The following HCN1 variants were observed in gnomAD, a reference collection of about 807,000 sequenced individuals.
HCN1 encodes the protein potassium/sodium hyperpolarization-activated cyclic nucleotide-gated channel 1.
HCN1 carries 13 observed loss-of-function variants against 78.9 expected under a neutral mutation model. The ratio of observed to expected loss-of-function variants is 0.16; its 90% CI spans 0.11 to 0.26. HCN1 has a LOEUF of 0.26. Among genes scored for constraint, HCN1 ranks in the 10% least tolerant of loss-of-function variants. The pLI is 1.00. For missense variants in HCN1, 810 were observed against 1,154.3 expected, an observed-to-expected ratio of 0.70 and a Z score of 4.32; for synonymous variants, 552 against 455.5, an observed-to-expected ratio of 1.21 and a Z score of -2.70.
At chr5:45,554,225 T>C (rs150586535) in intron 2 of HCN1, among the ~76,000 whole-genome samples, 6 of 151,996 alleles carry the variant, frequency 3.9e-5, no homozygotes, top group African/African-American at 9.6e-5. Context: ...GGTATCTTCA[T>C]AAAATTGTGA....
chr5:45,305,316 A>C (rs1344180784), intron 5 of HCN1, among the ~76,000 whole-genome samples: 1 of 152,210 alleles, frequency 6.6e-6, no homozygotes, highest in Non-Finnish European at 1.5e-5. Context: ...AACATTTTGA[A>C]TCTATCTTGG....
chr5:45,620,549 G>A (rs1222417549), intron 2 of HCN1, among the ~76,000 whole-genome samples: 4 of 151,402 alleles, frequency 2.6e-5, no homozygotes, highest in Non-Finnish European at 5.9e-5. Flanking sequence ...ACTATGTGAG[G>A]AAACTTTAAA....
chr5:45,386,354 C>G (rs1317128506), intron 4 of HCN1, among the ~76,000 whole-genome samples: 2 of 151,790 alleles, frequency 1.3e-5, no homozygotes, highest in Non-Finnish European at 2.9e-5. Context: ...TTATTTTTCA[C>G]TTTTTCTAGA....
intron 6 of HCN1, among the ~76,000 whole-genome samples, chr5:45,280,030 T>C (rs1745128562): frequency 6.6e-6 from 1 of 152,100 alleles, no homozygotes; most frequent in African/African-American, 2.4e-5. Context: ...GAAAGATATA[T>C]AATTTATTAT....
chr5:45,526,435 T>C (rs1394821813), intron 2 of HCN1, among the ~76,000 whole-genome samples: 1 of 152,038 alleles, frequency 6.6e-6, no homozygotes, highest in Non-Finnish European at 1.5e-5. Context: ...TCATGCACTT[T>C]TCATCCTGAT....
intron 5 of HCN1, among the ~76,000 whole-genome samples, chr5:45,331,775 G>A (rs1308556491): frequency 1.3e-5 from 2 of 151,140 alleles, no homozygotes; most frequent in East Asian, 1.9e-4. Context: ...ACATAAAGTC[G>A]ATTTTTAAAA....
chr5:45,457,604 C>T (rs563453860), intron 3 of HCN1, among the ~76,000 whole-genome samples: 17 of 152,090 alleles, frequency 1.1e-4, no homozygotes, highest in Non-Finnish European at 1.8e-4. Context: ...GTCCGCTTTC[C>T]GTTGTTACAA....
intron 2 of HCN1, among the ~76,000 whole-genome samples, chr5:45,582,389 G>A (rs373409800): frequency 3.3e-5 from 5 of 152,020 alleles, no homozygotes; most frequent in South Asian, 2.1e-4. Flanking sequence ...AGACTTTGCT[G>A]AAGTTGCCTA....
chr5:45,285,099 T>C (rs1745242383), intron 6 of HCN1, among the ~76,000 whole-genome samples: 1 of 151,988 alleles, frequency 6.6e-6, no homozygotes, highest in Non-Finnish European at 1.5e-5. Flanking sequence ...TTTCCTGAGG[T>C]GAAGGAGCAG....
chr5:45,437,908 G>T lies in HCN1; in HGVS notation c.1011+23938C>A, dbSNP rs183167424. ...CAGATAGGAATGCTTCATCTGAAGG[G>T]CTGGAGGATCCACTTTCAGCTTTTC... On this transcript the variant is annotated intron_variant, in intron 3 of 7. Coordinates refer to ENST00000303230, the MANE Select transcript of HCN1 (RefSeq NM_021072.4). Among the ~76,000 whole-genome samples the T allele has an allele frequency of 5.1e-3, 773 of 152,266 alleles. 8 individuals carry two copies. Among genetic ancestry groups the T allele is most frequent in the Middle Eastern group, 0.02 (6 of 294 alleles).
chr5:45,565,427 T>A (rs1328397924), intron 2 of HCN1, among the ~76,000 whole-genome samples: 1 of 152,168 alleles, frequency 6.6e-6, no homozygotes, highest in African/African-American at 2.4e-5. Context: ...TGTTCCACCA[T>A]TAAACAATAT....
chr5:45,293,862 T>C (rs1390616128), intron 6 of HCN1, among the ~76,000 whole-genome samples: 2 of 151,840 alleles, frequency 1.3e-5, no homozygotes, highest in African/African-American at 4.8e-5. Context: ...AGCCAAGACC[T>C]GACAAGAAAA....
chr5:45,340,417 T>C (rs1386875660), intron 5 of HCN1, among the ~76,000 whole-genome samples: 1 of 152,186 alleles, frequency 6.6e-6, no homozygotes, highest in Non-Finnish European at 1.5e-5. Flanking sequence ...TCCTAACTTC[T>C]CCATGCCTTC....
intron 2 of HCN1, among the ~76,000 whole-genome samples, chr5:45,503,849 C>T (rs2111739441): frequency 6.6e-6 from 1 of 151,604 alleles, no homozygotes; most frequent in African/African-American, 2.4e-5. Flanking sequence ...ACTATGGTGC[C>T]ATCTCGGCTC....
intron 1 of HCN1, among the ~76,000 whole-genome samples, chr5:45,655,704 T>C (rs1441786465): frequency 6.6e-6 from 1 of 152,074 alleles, no homozygotes; most frequent in Non-Finnish European, 1.5e-5. Flanking sequence ...TTGCCTACAT[T>C]CCCAGAGGCT....
intron 3 of HCN1, among the ~76,000 whole-genome samples, chr5:45,400,887 T>C (rs1739782940): frequency 6.6e-6 from 1 of 152,084 alleles, no homozygotes; most frequent in Non-Finnish European, 1.5e-5. Context: ...GATTCTGGCT[T>C]TTTTTCCCAC....
chr5:45,667,372 C>T (rs1351532938), intron 1 of HCN1, among the ~76,000 whole-genome samples: 1 of 151,844 alleles, frequency 6.6e-6, no homozygotes, highest in African/African-American at 2.4e-5. Context: ...TATTAGTTTC[C>T]TATACTATTC....
chr5:45,296,335 A>G (rs2111892940), intron 6 of HCN1, among the ~76,000 whole-genome samples: 1 of 152,104 alleles, frequency 6.6e-6, no homozygotes, highest in South Asian at 2.1e-4. Flanking sequence ...ATAGAAAGAC[A>G]GATAGAAAAT....
chr5:45,334,957 A>G (rs1170163135), intron 5 of HCN1, among the ~76,000 whole-genome samples: 1 of 152,100 alleles, frequency 6.6e-6, no homozygotes, highest in Non-Finnish European at 1.5e-5. Context: ...CTAAATAAAT[A>G]TACATACAAA....
Sources: allele counts gnomAD v4.1 joint callset (sites outside exome capture counted in the v4.1 genomes callset), GRCh38; gene constraint gnomAD v4.1.1; transcripts MANE v1.5; gene names NCBI Gene and HGNC (gene_info 2026-07-23, HGNC 2026-07-21).